The following GPR173 variants were observed in gnomAD, a reference collection of about 807,000 sequenced individuals.
GPR173 encodes the protein probable G protein-coupled receptor 173.
GPR173 carries 2 observed loss-of-function variants against 13.9 expected under a neutral mutation model. The ratio of observed to expected loss-of-function variants is 0.14; its 90% confidence interval spans 0.06 to 0.45. The LOEUF (loss-of-function observed/expected upper bound fraction) is 0.45, where lower values mean the gene tolerates loss of function less well. Ranked by LOEUF, GPR173 falls within the 20% of genes least tolerant of loss-of-function variation. The pLI is 0.98. For missense variants in GPR173, 202 were observed against 340.5 expected (o/e 0.59, Z 3.20); for synonymous variants, 131 against 141.0 (o/e 0.93, Z 0.50).
Position 53,077,940 on chromosome X carries a change from C to A in GPR173, c.*197C>A. 2.3e-6 allele frequency: 1 copy of A among 427,333 alleles called. No homozygotes were observed. Among genetic ancestry groups the A allele is most frequent in the South Asian group, 4.4e-5 (1 of 22,539 alleles). 35.2% of individuals were successfully genotyped at this position (427,333 alleles called of 1,213,427 possible). A position where few individuals can be genotyped will look rare whatever the true frequency, so the allele number is the denominator to read the frequency against. ...ACTGGGCGAGGGACTGGGAAAGAGG[C>A]ATATTTAGTTTTGTGGGGCCTGTCT... On this transcript the variant is annotated 3_prime_UTR_variant, in exon 2 of 2. Transcript: ENST00000332582.
intron 1 of GPR173, among the ~76,000 whole-genome samples, chrX:53,074,795 TTA>T (rs1186555672): frequency 2.1e-5 from 2 of 96,979 alleles, no homozygotes; most frequent in African/African-American, 3.7e-5. Context: ...TATTATAAAA[TTA>T]TATATATATA....
intron 1 of GPR173, among the ~76,000 whole-genome samples, chrX:53,059,257 AAAAAT>A (rs1303637264): frequency 1.6e-4 from 17 of 107,281 alleles, no homozygotes; most frequent in African/African-American, 5.1e-4. Context: ...TCAAAAAATA[AAAAAT>A]AAAATAAAAT....
intron 1 of GPR173, among the ~76,000 whole-genome samples, chrX:53,060,414 T>C (rs782492372): frequency 1.8e-5 from 2 of 109,744 alleles, no homozygotes; most frequent in African/African-American, 6.6e-5. Context: ...ATCCCGTCTC[T>C]ACTAAAAATA....
chrX:53,067,547 G>A (rs782633468), intron 1 of GPR173, among the ~76,000 whole-genome samples: 4 of 112,091 alleles, frequency 3.6e-5, no homozygotes, highest in African/African-American at 1.3e-4. Flanking sequence ...ACACTCTGGC[G>A]GGGCGCGGTG....
chrX:53,074,919 C>T (rs1932405900), intron 1 of GPR173, among the ~76,000 whole-genome samples: 2 of 103,708 alleles, frequency 1.9e-5, no homozygotes, highest in Admixed American at 2.3e-4. Context: ...AGTAGTCTCC[C>T]TACTTTTAAT....
At chrX:53,072,743 A>G (rs987647880) in intron 1 of GPR173, among the ~76,000 whole-genome samples, 3 of 110,896 alleles carry the variant, frequency 2.7e-5, no homozygotes, top group Non-Finnish European at 5.7e-5. Context: ...GAGAGAGAGA[A>G]AGAGAGTAAG....
chrX:53,067,546 C>T (rs1349731127), intron 1 of GPR173, among the ~76,000 whole-genome samples: 1 of 112,277 alleles, frequency 8.9e-6, no homozygotes, highest in Non-Finnish European at 1.9e-5. Flanking sequence ...AACACTCTGG[C>T]GGGGCGCGGT....
Position 53,079,833 on chromosome X carries a change from G to A in GPR173, c.*2090G>A, listed in dbSNP as rs1176342087. On this transcript the variant is annotated 3_prime_UTR_variant, in exon 2 of 2. Coordinates refer to ENST00000332582, the MANE Select transcript of GPR173 (RefSeq NM_018969.6). ...CAAACTAGAGTATGTGCCCGTGGTA[G>A]GAAGTCGAGTGGTCAAGAGATGGAT... is the stretch of plus-strand genomic sequence containing the variant. The A allele has an allele frequency of 8.2e-6, 1 of 122,665 alleles. No individual in the cohort carries two copies. Among genetic ancestry groups the A allele is most frequent in the African/African-American group, 3.3e-5 (1 of 30,508 alleles). The allele number at this position is 122,665 out of a possible 1,213,427, so 10.1% of individuals were successfully genotyped here.
chrX:53,076,373 A>G (rs782530737), intron 1 of GPR173, among the ~76,000 whole-genome samples, 152 bp from the exon 2 acceptor site: 1 of 95,265 alleles, frequency 1.0e-5, no homozygotes, highest in African/African-American at 3.9e-5. Flanking sequence ...TCTTTGTTCT[A>G]TCTCTCTCTC....
At chrX:53,060,189 G>A (rs1381340593) in intron 1 of GPR173, among the ~76,000 whole-genome samples, 6 of 108,542 alleles carry the variant, frequency 5.5e-5, no homozygotes, top group African/African-American at 2.0e-4. Flanking sequence ...TGCTCTTGTC[G>A]CCCAGGCTGG....
rs781882735 is a variant in GPR173 at position 53,080,380 on chromosome X, A to G, written c.*2637A>G. The G allele has an allele frequency of 3.3e-5, 4 of 121,641 alleles. No homozygotes were observed. The highest frequency in any genetic ancestry group is 2.9e-4 in the Admixed American group (3 of 10,380). 10.0% of individuals were successfully genotyped at this position (121,641 alleles called of 1,213,427 possible). ...CATACTCCTCAGTTCTTGGCACACT[A>G]TATCATCATTGGTCCATGTGAGGCC... is the stretch of plus-strand genomic sequence containing the variant. On this transcript the variant is annotated 3_prime_UTR_variant, in exon 2 of 2. Transcript: ENST00000332582.
chrX:53,062,912 A>G (rs782375750), intron 1 of GPR173, among the ~76,000 whole-genome samples: 12 of 111,920 alleles, frequency 1.1e-4, no homozygotes, highest in Middle Eastern at 9.2e-3. Context: ...TGGGCCCCCA[A>G]GGTCTTGAGC....
Position 53,078,058 on chromosome X carries a change from T to G in GPR173, c.*315T>G. The G allele has an allele frequency of 3.5e-6, 1 of 284,453 alleles. No individual in the cohort carries two copies. Among genetic ancestry groups the G allele is most frequent in the Non-Finnish European group, 6.4e-6 (1 of 155,062 alleles). 23.4% of individuals were successfully genotyped at this position (284,453 alleles called of 1,213,427 possible). Reference sequence around the variant, plus strand: ...TCTCTCTCTCTCTCAGAAGTGACAATTCAGAAAAAGAAAAGAACACTGAGA... The same window carrying G: ...TCTCTCTCTCTCTCAGAAGTGACAAGTCAGAAAAAGAAAAGAACACTGAGA... On this transcript the variant is annotated 3_prime_UTR_variant, in exon 2 of 2. Transcript: ENST00000332582.
At position 53,076,657 on chromosome X, in the gene GPR173, C is replaced by A; in HGVS notation, c.36C>A (p.Ser12Arg). 8.3e-7 allele frequency: 1 copy of A among 1,197,773 alleles called. No individual in the cohort carries two copies. ...CTACCGGAGAGCCTGAGGAGGTGAG[C>A]GGCGCTCTGTCCCCACCGTCCGCAT... ...ANTTGEPEEVSGALSPPSASA... is the reference protein window; with the variant it reads ...ANTTGEPEEVRGALSPPSASA... Residue 12 changes from serine (S) to arginine (R), a missense_variant, in exon 2 of 2, where the codon AGC becomes AGA. Physicochemically the swap from Ser to Arg is moderately radical, Grantham distance 110. Coordinates refer to ENST00000332582, the MANE Select transcript of GPR173 (RefSeq NM_018969.6).
At chrX:53,061,103 G>T (rs1201227479) in intron 1 of GPR173, among the ~76,000 whole-genome samples, 1 of 108,828 alleles carries the variant, frequency 9.2e-6, no homozygotes, top group Non-Finnish European at 1.9e-5. Context: ...GGTGCCTGTA[G>T]TCCCAGCTAC....
At chrX:53,052,962 A>T (rs968559204) in intron 1 of GPR173, among the ~76,000 whole-genome samples, 4 of 111,397 alleles carry the variant, frequency 3.6e-5, no homozygotes, top group Non-Finnish European at 5.7e-5. Context: ...GTGTGTGAAT[A>T]TACCTTTGTG....
intron 1 of GPR173, among the ~76,000 whole-genome samples, chrX:53,069,272 TAA>T (rs782701038): frequency 1.1e-5 from 1 of 91,637 alleles, no homozygotes; most frequent in Admixed American, 1.2e-4. Flanking sequence ...CCTTTTCTCT[TAA>T]AAAAAAAAAA....
chrX:53,072,369 C>G (rs1415422785), intron 1 of GPR173, among the ~76,000 whole-genome samples: 3 of 103,845 alleles, frequency 2.9e-5, no homozygotes, highest in Admixed American at 1.0e-4. Context: ...CTCTCCCTCT[C>G]CCTGCTCTCC....
At chrX:53,069,907 T>C (rs1209077837) in intron 1 of GPR173, among the ~76,000 whole-genome samples, 1 of 110,948 alleles carries the variant, frequency 9.0e-6, no homozygotes, top group Non-Finnish European at 1.9e-5. Context: ...TGTTAGAGCA[T>C]GTGTGTGTAT....
Sources: allele counts gnomAD v4.1 joint callset (sites outside exome capture counted in the v4.1 genomes callset), GRCh38; gene constraint gnomAD v4.1.1; transcripts MANE v1.5; gene names NCBI Gene and HGNC (gene_info 2026-07-23, HGNC 2026-07-21).